Variants in SYNE1 observed in about 807,000 individuals in gnomAD.
SYNE1 encodes the protein nesprin-1.
SYNE1 carries 616 observed loss-of-function variants against 1,111.0 expected under a neutral mutation model. The ratio of observed to expected loss-of-function variants is 0.55; its 90% CI spans 0.52 to 0.59. The LOEUF (loss-of-function observed/expected upper bound fraction) is 0.59. Among genes scored for constraint, SYNE1 ranks in the 20% least tolerant of loss-of-function variants. The pLI, the probability that SYNE1 is intolerant of heterozygous loss-of-function variation, is 0.00. For synonymous variants in SYNE1, 3,855 were observed against 3,825.8 expected, an observed-to-expected ratio of 1.01 and a Z score of -0.28; for missense variants, 10,006 against 10,417.0, an observed-to-expected ratio of 0.96 and a Z score of 1.72.
intron 3 of SYNE1, among the ~76,000 whole-genome samples, chr6:152,588,091 G>A (rs1037266022): frequency 6.6e-6 from 1 of 152,108 alleles, no homozygotes; most frequent in South Asian, 2.1e-4. Context: ...TCACTTGTCT[G>A]TCTGAAGAAC....
chr6:152,155,118 G>T, intron 132 of SYNE1, 76 bp from the exon 133 acceptor site: 1 of 1,585,180 alleles, frequency 6.3e-7, no homozygotes, highest in Non-Finnish European at 8.7e-7. Context: ...TGCTGCCTGC[G>T]ACTGGATTAA....
intron 74 of SYNE1, among the ~76,000 whole-genome samples, chr6:152,343,716 C>T (rs1390412688): frequency 6.6e-6 from 1 of 150,400 alleles, no homozygotes; most frequent in Non-Finnish European, 1.5e-5. Context: ...TACAGGTGCA[C>T]GTCACCATGC....
intron 32 of SYNE1, among the ~76,000 whole-genome samples, chr6:152,440,679 T>C (rs1027170905): frequency 2.8e-4 from 42 of 151,210 alleles, no homozygotes; most frequent in African/African-American, 9.7e-4. Context: ...GCGATTCTCC[T>C]GCCTCAGCCT....
At chr6:152,272,648 A>G (rs1426796180) in intron 98 of SYNE1, among the ~76,000 whole-genome samples, 1 of 152,212 alleles carries the variant, frequency 6.6e-6, no homozygotes, top group Non-Finnish European at 1.5e-5. Context: ...GGAAACAAAA[A>G]AGCATAGTCA....
Position 152,255,607 on chromosome 6 carries a change from C to G in SYNE1, c.19244G>C (p.Cys6415Ser), listed in dbSNP as rs764655473. Residue 6415 changes from cysteine (C) to serine (S), a missense_variant, in exon 103 of 146, where the codon TGT (cysteine) becomes TCT (serine). By Grantham distance (112) the Cys-to-Ser change is moderately radical. Around this residue, in one of 7 missense-constraint regions of SYNE1, gnomAD observed 2,182 missense variants for 2,287.8 expected, o/e 0.95. Coordinates refer to ENST00000367255, the MANE Select transcript of SYNE1 (RefSeq NM_182961.4). ...TAAACCTACCTCTTGGTTGAAGAGA[C>G]AAGTCTCTGTTTCTTCTGGTAAAAG... ...TALLPEETETCLFNQEILAKD... is the reference protein window; with the variant it reads ...TALLPEETETSLFNQEILAKD... 1.2e-6 allele frequency: 2 copies of G among 1,614,180 alleles called. No individual in the cohort carries two copies. The highest frequency in any genetic ancestry group is 8.5e-7 in the Non-Finnish European group (1 of 1,180,030).
chr6:152,502,789 G>T, intron 9 of SYNE1, 47 bp from the exon 10 acceptor site: 1 of 1,373,516 alleles, frequency 7.3e-7, no homozygotes, highest in Non-Finnish European at 1.0e-6. Flanking sequence ...AGCATTCATT[G>T]GATTTTGATA....
chr6:152,150,940 G>T (rs1222331051), intron 135 of SYNE1, among the ~76,000 whole-genome samples: 1 of 151,988 alleles, frequency 6.6e-6, no homozygotes, highest in Non-Finnish European at 1.5e-5. Context: ...GGCCAGGAAG[G>T]GTGGCTCACA....
intron 127 of SYNE1, among the ~76,000 whole-genome samples, chr6:152,194,525 T>C (rs1000955707): frequency 4.6e-5 from 7 of 152,218 alleles, no homozygotes; most frequent in Admixed American, 3.9e-4. Context: ...ATAACCTTCT[T>C]GTACTTGGAT....
At chr6:152,587,644 C>T (rs1265052290) in intron 3 of SYNE1, among the ~76,000 whole-genome samples, 1 of 152,162 alleles carries the variant, frequency 6.6e-6, no homozygotes, top group Non-Finnish European at 1.5e-5. Context: ...TATTTAATCT[C>T]TTCTCTTTCC....
intron 130 of SYNE1, among the ~76,000 whole-genome samples, chr6:152,171,269 G>T (rs182064561): frequency 6.6e-6 from 1 of 152,178 alleles, no homozygotes; most frequent in African/African-American, 2.4e-5. Context: ...GCAGAATCAC[G>T]CTATGACTCA....
intron 3 of SYNE1, among the ~76,000 whole-genome samples, chr6:152,586,404 C>A (rs1344103604): frequency 1.3e-5 from 2 of 152,110 alleles, no homozygotes; most frequent in Non-Finnish European, 2.9e-5. Context: ...CATATAATTT[C>A]TCCGCATTTG....
chr6:152,400,552 A>G (rs2097796701), intron 47 of SYNE1, among the ~76,000 whole-genome samples: 1 of 152,104 alleles, frequency 6.6e-6, no homozygotes, highest in Non-Finnish European at 1.5e-5. Context: ...AGTTCCAACT[A>G]TTGGGGAGAC....
chr6:152,211,396 T>C, intron 124 of SYNE1, 98 bp downstream of exon 124: 1 of 1,003,300 alleles, frequency 1.0e-6, no homozygotes, highest in South Asian at 1.3e-5. Context: ...TTCAATTGCC[T>C]CAGGAAGATT....
At position 152,170,998 on chromosome 6, in the gene SYNE1, C is replaced by A. The variant is rs561886143; in HGVS notation, c.23627+5396G>T. Among the ~76,000 whole-genome samples the A allele has an allele frequency of 7.9e-5, 12 of 152,284 alleles. No homozygotes were observed. The South Asian group carries it at 2.5e-3, about 32-fold the overall frequency. Reference sequence around the variant, plus strand: ...TTTCCCCTTTTGCCTGGCTTTCATTCTCTCCTGTCTGCCACCATGTAAGAT... The same window carrying A: ...TTTCCCCTTTTGCCTGGCTTTCATTATCTCCTGTCTGCCACCATGTAAGAT... On this transcript the variant is annotated intron_variant, in intron 130 of 145. Transcript: ENST00000367255.
At chr6:152,414,716 T>C (rs553630064) in intron 41 of SYNE1, among the ~76,000 whole-genome samples, 9 of 152,280 alleles carry the variant, frequency 5.9e-5, no homozygotes, top group Non-Finnish European at 1.0e-4. Flanking sequence ...ATGTGGCTCC[T>C]GAGCTCAACC....
At chr6:152,324,104 A>G (rs1219742500) in intron 81 of SYNE1, among the ~76,000 whole-genome samples, 3 of 152,232 alleles carry the variant, frequency 2.0e-5, no homozygotes, top group African/African-American at 7.2e-5. Flanking sequence ...ACCTTTAAAG[A>G]TGGAAAAAGC....
At position 152,367,286 on chromosome 6, in the gene SYNE1, T is replaced by C. The variant is rs1171056771; in HGVS notation, c.9904A>G (p.Met3302Val). ...GTCGGGTGGCAGTATGAATCCAGCA[T>C]GTGAATCGCATCCGTCATCCAGTCT... Reference protein sequence around the residue: ...LQDWMTDAIHMLDSYCHPTSD... With the variant: ...LQDWMTDAIHVLDSYCHPTSD... Residue 3302 changes from methionine (M) to valine (V), a missense_variant, in exon 62 of 146, where the codon ATG becomes GTG. Physicochemically the swap from Met to Val is conservative, Grantham distance 21. Transcript: ENST00000367255. 3.7e-6 allele frequency: 6 copies of C among 1,614,240 alleles called. No individual in the cohort carries two copies. Among genetic ancestry groups the C allele is most frequent in the Non-Finnish European group, 4.2e-6 (5 of 1,180,042 alleles).
chr6:152,501,277 T>TA (rs147344865), intron 10 of SYNE1, among the ~76,000 whole-genome samples: 3,334 of 152,260 alleles, frequency 0.022, 147 homozygotes, highest in African/African-American at 0.076. Context: ...GTCCGTTGTT[T>TA]AAAAAAACAG....
At chr6:152,123,533 G>A (rs952019140) in intron 145 of SYNE1, among the ~76,000 whole-genome samples, 1 of 152,168 alleles carries the variant, frequency 6.6e-6, no homozygotes, top group African/African-American at 2.4e-5. Context: ...AGGACTGCCT[G>A]GAAAATACAG....
Sources: gnomAD v4.1 joint callset for allele counts (sites outside exome capture counted in the v4.1 genomes callset) on GRCh38, gnomAD v4.1.1 for gene constraint, gnomAD v4.1.1 regional missense constraint, MANE v1.5 for transcripts, NCBI Gene and HGNC (gene_info 2026-07-23, HGNC 2026-07-21) for gene names.